ZDHHC14: variants seen among roughly 807,000 people sequenced by gnomAD.
ZDHHC14 encodes zDHHC palmitoyltransferase 14.
Under a neutral mutation model 47.7 loss-of-function variants are expected in ZDHHC14, and 16 were observed. The observed-to-expected ratio is 0.34, with a 90% confidence interval of 0.23 to 0.51. The LOEUF is 0.51. Ranked by LOEUF, ZDHHC14 falls within the 20% of genes least tolerant of loss-of-function variation. The pLI is 0.97. For missense variants in ZDHHC14, 515 were observed against 662.5 expected, an observed-to-expected ratio of 0.78 and a Z score of 2.44; for synonymous variants, 293 against 278.9, an observed-to-expected ratio of 1.05 and a Z score of -0.50.
chr6:157,643,596 T>C (rs1173707638), intron 5 of ZDHHC14, among the ~76,000 whole-genome samples: 1 of 142,538 alleles, frequency 7.0e-6, no homozygotes, highest in East Asian at 2.1e-4. Flanking sequence ...TGCAGTGAGC[T>C]GAGATCATGC....
chr6:157,622,606 C>T (rs1785240480), intron 3 of ZDHHC14, among the ~76,000 whole-genome samples: 1 of 152,028 alleles, frequency 6.6e-6, no homozygotes, highest in African/African-American at 2.4e-5. Context: ...TAAAACCACC[C>T]CTGCCTCCCA....
At chr6:157,394,207 C>T (rs937773087) in intron 1 of ZDHHC14, among the ~76,000 whole-genome samples, 2 of 152,214 alleles carry the variant, frequency 1.3e-5, no homozygotes, top group African/African-American at 2.4e-5. Context: ...CCTTCCTTGT[C>T]TCTTAGACTG....
chr6:157,632,943 C>G (rs1776773782), intron 5 of ZDHHC14, 61 bp downstream of exon 5: 1 of 1,546,006 alleles, frequency 6.5e-7, no homozygotes, highest in Non-Finnish European at 8.9e-7. Context: ...GGCTGACCTT[C>G]TGTGCGCACA....
chr6:157,592,869 C>T (rs917834187), intron 2 of ZDHHC14, 119 bp from the exon 3 acceptor site: 12 of 1,492,982 alleles, frequency 8.0e-6, no homozygotes, highest in Middle Eastern at 2.4e-4. Flanking sequence ...CCGTGGGCAC[C>T]GGGGGCCCTG....
At chr6:157,625,119 C>T (rs1785349750) in intron 3 of ZDHHC14, among the ~76,000 whole-genome samples, 2 of 152,184 alleles carry the variant, frequency 1.3e-5, no homozygotes, top group African/African-American at 4.8e-5. Flanking sequence ...CAATGCCCCA[C>T]CTCTCAACAC....
At position 157,672,759 on chromosome 6, in the gene ZDHHC14, C is replaced by G; in HGVS notation, c.1104C>G (p.Phe368Leu). 6.2e-7 allele frequency: 1 copy of G among 1,612,438 alleles called. No homozygotes were observed. The highest frequency in any genetic ancestry group is 1.1e-5 in the South Asian group (1 of 91,028). ...ACCAGTGCATTCAGAGCACCAAATT[C>G]GTTTTGCAGGCTGCAGCCACGCCCC... ...DQDQCIQSTK[F>L]VLQAAATPLL... The change falls in exon 9 of 9, where the codon TTC becomes TTG. Residue 368 changes from phenylalanine to leucine, a missense_variant. Phe to Leu is a conservative substitution (Grantham distance 22). Around this residue, in one of 4 missense-constraint regions of ZDHHC14, gnomAD observed 221 missense variants for 233.6 expected, o/e 0.95. Transcript: ENST00000359775.
intron 1 of ZDHHC14, among the ~76,000 whole-genome samples, chr6:157,501,551 CTT>C (rs936064903): frequency 2.6e-5 from 4 of 152,294 alleles, no homozygotes; most frequent in Admixed American, 2.6e-4. Flanking sequence ...GATGTCAGCT[CTT>C]GTTTTGTATC....
chr6:157,515,978 CG>C (rs1308886508), intron 1 of ZDHHC14, among the ~76,000 whole-genome samples: 4 of 152,160 alleles, frequency 2.6e-5, no homozygotes, highest in African/African-American at 9.7e-5. Flanking sequence ...GCAGGCAAGG[CG>C]TGAAATAGAA....
At chr6:157,442,659 T>C (rs540907014) in intron 1 of ZDHHC14, among the ~76,000 whole-genome samples, 2 of 152,322 alleles carry the variant, frequency 1.3e-5, no homozygotes, top group African/African-American at 4.8e-5. Context: ...GTAGAAAGCG[T>C]ACCCTGGAGG....
intron 1 of ZDHHC14, among the ~76,000 whole-genome samples, chr6:157,516,913 C>T (rs906685166): frequency 1.3e-5 from 2 of 152,330 alleles, no homozygotes; most frequent in Admixed American, 6.5e-5. Context: ...GACACCAAAA[C>T]ATGGTGGTGC....
At chr6:157,469,796 C>T (rs1428565666) in intron 1 of ZDHHC14, among the ~76,000 whole-genome samples, 1 of 152,206 alleles carries the variant, frequency 6.6e-6, no homozygotes, top group Non-Finnish European at 1.5e-5. Context: ...GAAGCGAAGT[C>T]CACCAGGTGC....
At chr6:157,522,030 T>TC (rs1780933431) in intron 1 of ZDHHC14, among the ~76,000 whole-genome samples, 1 of 151,888 alleles carries the variant, frequency 6.6e-6, no homozygotes, top group Admixed American at 6.6e-5. Context: ...CATTTTTTTT[T>TC]TAAAGTACAA....
intron 1 of ZDHHC14, among the ~76,000 whole-genome samples, chr6:157,437,648 C>T (rs1365198383): frequency 3.9e-5 from 6 of 152,188 alleles, no homozygotes; most frequent in Admixed American, 1.3e-4. Flanking sequence ...ACTCGTAAAA[C>T]GACCTTTCCT....
At chr6:157,464,778 G>C (rs914721064) in intron 1 of ZDHHC14, among the ~76,000 whole-genome samples, 7 of 152,214 alleles carry the variant, frequency 4.6e-5, no homozygotes, top group Admixed American at 3.3e-4. Flanking sequence ...GGCGTTGTCT[G>C]GTTAGGCCAT....
chr6:157,643,056 C>A (rs1484645363), intron 5 of ZDHHC14, among the ~76,000 whole-genome samples: 1 of 152,262 alleles, frequency 6.6e-6, no homozygotes, highest in Non-Finnish European at 1.5e-5. Context: ...AAGCAAATTA[C>A]TTCATTGCTT....
chr6:157,661,293 T>A (rs1227465199), intron 8 of ZDHHC14, among the ~76,000 whole-genome samples: 2 of 152,250 alleles, frequency 1.3e-5, no homozygotes, highest in Non-Finnish European at 2.9e-5. Context: ...TTGGAAACAG[T>A]GGAGACGTGA....
intron 1 of ZDHHC14, among the ~76,000 whole-genome samples, chr6:157,504,121 A>G (rs1237453189): frequency 1.3e-5 from 2 of 152,248 alleles, no homozygotes; most frequent in Non-Finnish European, 2.9e-5. Flanking sequence ...GGAGATTCAT[A>G]CAGTGGAGTA....
At chr6:157,453,678 T>C (rs2114805710) in intron 1 of ZDHHC14, among the ~76,000 whole-genome samples, 1 of 152,310 alleles carries the variant, frequency 6.6e-6, no homozygotes, top group East Asian at 1.9e-4. Context: ...GACACAGCGC[T>C]AGGTGCTGGA....
intron 1 of ZDHHC14, among the ~76,000 whole-genome samples, chr6:157,537,560 C>T (rs1383497184): frequency 6.6e-6 from 1 of 152,164 alleles, no homozygotes; most frequent in Non-Finnish European, 1.5e-5. Context: ...TGTCACTTTC[C>T]AGTTAATCTT....
Sources: gnomAD v4.1 joint callset for allele counts (sites outside exome capture counted in the v4.1 genomes callset) on GRCh38, gnomAD v4.1.1 for gene constraint, gnomAD v4.1.1 regional missense constraint, MANE v1.5 for transcripts, NCBI Gene and HGNC (gene_info 2026-07-23, HGNC 2026-07-21) for gene names.